Variants in PARVB observed in about 807,000 individuals in gnomAD.
The protein encoded by PARVB is parvin beta.
In PARVB, 46 loss-of-function variants were observed where a neutral mutation model predicts 47.0. That is an observed-to-expected ratio of 0.98 (90% CI 0.77 to 1.25). PARVB has a LOEUF of 1.25. PARVB is among the 50% of genes most tolerant of loss of function. The pLI, the probability that PARVB is intolerant of heterozygous loss-of-function variation, is 0.00. For missense variants in PARVB, 473 were observed against 471.6 expected (o/e 1.00, Z -0.03); for synonymous variants, 196 against 196.3 (o/e 1.00, Z 0.01).
intron 10 of PARVB, among the ~76,000 whole-genome samples, chr22:44,156,439 C>T (rs998506687): frequency 6.6e-6 from 1 of 152,002 alleles, no homozygotes; most frequent in Non-Finnish European, 1.5e-5. Flanking sequence ...ACCACCACAC[C>T]CGCTAATTTT....
intron 1 of PARVB, among the ~76,000 whole-genome samples, chr22:44,080,964 G>A (rs973528789): frequency 2.0e-5 from 3 of 152,180 alleles, no homozygotes; most frequent in Non-Finnish European, 2.9e-5. Context: ...GAATGGATGC[G>A]GGGAGTGGGG....
chr22:44,031,730 C>T (rs912939519), intron 1 of PARVB, among the ~76,000 whole-genome samples: 5 of 152,088 alleles, frequency 3.3e-5, no homozygotes, highest in Admixed American at 1.3e-4. Context: ...TGCTTACCCT[C>T]GCGCTCCCTG....
chr22:44,093,211 G>A (rs2052214889), intron 1 of PARVB, among the ~76,000 whole-genome samples: 1 of 152,196 alleles, frequency 6.6e-6, no homozygotes, highest in South Asian at 2.1e-4. Flanking sequence ...GGTGGATGTG[G>A]CTGAAAGGCC....
intron 11 of PARVB, among the ~76,000 whole-genome samples, chr22:44,160,001 T>C (rs775596749): frequency 6.6e-6 from 1 of 152,198 alleles, no homozygotes; most frequent in Non-Finnish European, 1.5e-5. Flanking sequence ...TAATGACTTA[T>C]GGTTTAAAAC....
At chr22:44,161,413 A>T (rs1016265690) in intron 11 of PARVB, among the ~76,000 whole-genome samples, 1 of 149,956 alleles carries the variant, frequency 6.7e-6, no homozygotes, top group Admixed American at 6.7e-5. Flanking sequence ...TCCTGGGTTC[A>T]AGCGATTCTT....
intron 1 of PARVB, among the ~76,000 whole-genome samples, chr22:44,075,679 G>T (rs2051755291): frequency 6.6e-6 from 1 of 152,252 alleles, no homozygotes; most frequent in Admixed American, 6.5e-5. Context: ...GGGTCGTGCA[G>T]TTGGGATCAC....
chr22:44,159,985 G>T (rs902708547), intron 11 of PARVB, among the ~76,000 whole-genome samples: 4 of 152,220 alleles, frequency 2.6e-5, no homozygotes, highest in Admixed American at 2.6e-4. Flanking sequence ...CTGTCCCCGA[G>T]GGTAGTAATG....
intron 1 of PARVB, among the ~76,000 whole-genome samples, chr22:44,085,941 A>C (rs1352129860): frequency 2.6e-5 from 4 of 152,076 alleles, no homozygotes; most frequent in Non-Finnish European, 5.9e-5. Flanking sequence ...CCTTCTTTGG[A>C]TTTACCTTAT....
At chr22:44,077,768 C>A (rs2051810035) in intron 1 of PARVB, among the ~76,000 whole-genome samples, 1 of 152,026 alleles carries the variant, frequency 6.6e-6, no homozygotes. Flanking sequence ...GTGTCTCATT[C>A]TGTCATCCAG....
At chr22:44,142,942 C>G (rs949757767) in intron 8 of PARVB, 1 of 152,262 alleles carries the variant, frequency 6.6e-6, no homozygotes, top group Non-Finnish European at 1.5e-5. Flanking sequence ...TGGCCCGGCA[C>G]CCGCCCCTGT....
intron 2 of PARVB, among the ~76,000 whole-genome samples, chr22:44,094,842 C>T (rs1258864495): frequency 6.6e-6 from 1 of 151,754 alleles, no homozygotes; most frequent in Non-Finnish European, 1.5e-5. Flanking sequence ...GCTGGGTGAA[C>T]AGGCCTAGGC....
rs992159027 is a variant in PARVB, at chr22:44,155,616, C to G, written c.844-2366C>G. ...GGTGCCTTCATTCACGTGGCAGCTT[C>G]CATTCCCTGGAAGTTAGTCCATGGA... On this transcript the variant is annotated intron_variant, in intron 10 of 12. Coordinates refer to ENST00000338758, the MANE Select transcript of PARVB (RefSeq NM_013327.5). This position sits in a 1 kb window ranked among gnomAD's most constrained non-coding sequence, Gnocchi z 4.8. Among the ~76,000 whole-genome samples, 1 of 152,200 alleles carries G rather than the reference C, an allele frequency of 6.6e-6. No homozygotes were observed. Among genetic ancestry groups the G allele is most frequent in the African/African-American group, 2.4e-5 (1 of 41,452 alleles).
chr22:44,026,269 T>A (rs1301140205), intron 1 of PARVB: 6 of 975,562 alleles, frequency 6.2e-6, no homozygotes, highest in Non-Finnish European at 7.3e-6. Context: ...TTAATTCAAA[T>A]GCACCAAGAA....
intron 1 of PARVB, among the ~76,000 whole-genome samples, chr22:44,083,719 T>C (rs1426555199): frequency 6.6e-6 from 1 of 152,038 alleles, no homozygotes; most frequent in Non-Finnish European, 1.5e-5. Context: ...ACTGCAGCTG[T>C]ATTGATGAGA....
chr22:44,087,467 A>G (rs1192800724), intron 1 of PARVB, among the ~76,000 whole-genome samples: 1 of 152,142 alleles, frequency 6.6e-6, no homozygotes, highest in Non-Finnish European at 1.5e-5. Context: ...CCGTGATTGC[A>G]GGGGCGCCTT....
At chr22:44,060,014 A>G (rs1334727131) in intron 1 of PARVB, among the ~76,000 whole-genome samples, 1 of 152,008 alleles carries the variant, frequency 6.6e-6, no homozygotes, top group Non-Finnish European at 1.5e-5. Context: ...GGCCTTTTGT[A>G]TTAGAATTTC....
rs1410086788 is a variant in PARVB at position 44,024,319 on chromosome 22, C to T, written c.-21C>T. 7.8e-6 allele frequency: 8 copies of T among 1,022,904 alleles called. No individual in the cohort carries two copies. Among genetic ancestry groups the T allele is most frequent in the African/African-American group, 1.7e-5 (1 of 57,698 alleles). 63.4% of individuals were successfully genotyped at this position (1,022,904 alleles called of 1,614,324 possible). ...GCGGCTCCACACGCGCTGCGCCCGC[C>T]GCCGGCCCCACGCGCGGCCCATGTC... On this transcript the variant is annotated 5_prime_UTR_variant, in exon 1 of 13. Transcript: ENST00000338758.
Position 44,131,626 on chromosome 22 carries a change from C to T in PARVB, c.516C>T (p.Asp172=). 6.2e-7 allele frequency: 1 copy of T among 1,609,376 alleles called. No individual in the cohort carries two copies. The highest frequency in any genetic ancestry group is 8.5e-7 in the Non-Finnish European group (1 of 1,178,034). ...GCTGGGCGCTCCGGTGGAGCGTGGA[C>T]TGTGAGTTCCACGCCACAGGGGGAG... The part of the protein sequence containing the change: ...PRGWALRWSV[D]SIHGKNLVAI... The change falls in exon 5 of 13, where the codon GAC becomes GAT. Residue 172 remains aspartate (D), a splice_region_variant and synonymous_variant. Coordinates refer to ENST00000338758, the MANE Select transcript of PARVB (RefSeq NM_013327.5).
chr22:44,037,338 G>A (rs1394572798), intron 1 of PARVB, among the ~76,000 whole-genome samples: 3 of 152,268 alleles, frequency 2.0e-5, no homozygotes, highest in African/African-American at 7.2e-5. Flanking sequence ...TGGGAGGATC[G>A]CTTGAGCCTG....
Sources: gnomAD v4.1 joint callset for allele counts (sites outside exome capture counted in the v4.1 genomes callset) on GRCh38, gnomAD v4.1.1 for gene constraint, Gnocchi (gnomAD v3.1) non-coding constraint, MANE v1.5 for transcripts, NCBI Gene and HGNC (gene_info 2026-07-23, HGNC 2026-07-21) for gene names.